Variants in DPP10 observed in about 807,000 individuals in gnomAD.
DPP10 encodes inactive dipeptidyl peptidase 10.
Under a neutral mutation model 120.9 loss-of-function variants are expected in DPP10, and 33 were observed. The ratio of observed to expected loss-of-function variants is 0.27; its 90% CI spans 0.21 to 0.37. The LOEUF is 0.37. Ranked by LOEUF, DPP10 falls within the 10% of genes least tolerant of loss-of-function variation. The pLI is 1.00. For synonymous variants in DPP10, 337 were observed against 326.1 expected (o/e 1.03, Z -0.36); for missense variants, 816 against 942.8 (o/e 0.87, Z 1.76).
chr2:115,166,278 C>CTTTTT (rs2052834511), intron 1 of DPP10, among the ~76,000 whole-genome samples: 1 of 151,582 alleles, frequency 6.6e-6, no homozygotes, highest in East Asian at 1.9e-4. Context: ...ATGAAAAGAG[C>CTTTTT]TTTCATAAAT....
chr2:115,153,610 A>G (rs1455615342), intron 1 of DPP10, among the ~76,000 whole-genome samples: 1 of 152,098 alleles, frequency 6.6e-6, no homozygotes, highest in African/African-American at 2.4e-5. Context: ...CTAACTCTCT[A>G]TCTAGCCTAA....
At chr2:114,776,576 A>G (rs1408828345) in intron 1 of DPP10, among the ~76,000 whole-genome samples, 1 of 152,162 alleles carries the variant, frequency 6.6e-6, no homozygotes, top group Non-Finnish European at 1.5e-5. Context: ...TATAGGCTCA[A>G]AAGAAATATT....
chr2:115,397,611 A>G (rs1354693971), intron 3 of DPP10, among the ~76,000 whole-genome samples: 1 of 152,222 alleles, frequency 6.6e-6, no homozygotes, highest in African/African-American at 2.4e-5. Context: ...GTCTTACTAA[A>G]TACAAGTTGT....
At chr2:114,564,134 T>TAATGATATTCTAATGGTATTCA (rs1269062839) in intron 1 of DPP10, among the ~76,000 whole-genome samples, 5 of 152,180 alleles carry the variant, frequency 3.3e-5, no homozygotes, top group African/African-American at 1.2e-4. Context: ...AGAGGTATTC[T>TAATGATATTCTAATGGTATTCA]AATGATATTC....
chr2:115,805,809 A>T lies in DPP10; in HGVS notation c.1701-8984A>T, dbSNP rs539804309. On this transcript the variant is annotated intron_variant, in intron 19 of 25. Transcript: ENST00000410059. ...TGACTGGTCTCAAACTCCTGACCTC[A>T]GGTGGTCCGCCTGCATTGGCCTCCC... Among the ~76,000 whole-genome samples, 170 of 152,170 alleles carry T rather than the reference A, an allele frequency of 1.1e-3. 1 individual carries two copies. Among genetic ancestry groups the T allele is most frequent in the South Asian group, 2.1e-3 (10 of 4,824 alleles).
At chr2:115,220,949 ATAT>A (rs1455796426) in intron 1 of DPP10, among the ~76,000 whole-genome samples, 16 of 53,794 alleles carry the variant, frequency 3.0e-4, no homozygotes, top group African/African-American at 4.5e-4. Context: ...TGTAACTAAA[ATAT>A]TATATAATCA....
chr2:114,619,650 T>A (rs1205335396), intron 1 of DPP10, among the ~76,000 whole-genome samples: 1 of 152,154 alleles, frequency 6.6e-6, no homozygotes, highest in Admixed American at 6.6e-5. Context: ...TAAGCATTGA[T>A]GGCAGCATAT....
intron 1 of DPP10, among the ~76,000 whole-genome samples, chr2:114,885,783 G>A (rs978214577): frequency 2.0e-5 from 3 of 152,092 alleles, no homozygotes; most frequent in Non-Finnish European, 2.9e-5. Context: ...AGAATATTAC[G>A]ATTTAGCACA....
intron 3 of DPP10, among the ~76,000 whole-genome samples, chr2:115,476,632 CAATT>C (rs965812882): frequency 1.3e-5 from 2 of 152,102 alleles, no homozygotes; most frequent in African/African-American, 4.8e-5. Context: ...TGGCACTAAG[CAATT>C]AATGAGAAAC....
At chr2:114,816,729 G>A (rs1374712320) in intron 1 of DPP10, among the ~76,000 whole-genome samples, 1 of 152,140 alleles carries the variant, frequency 6.6e-6, no homozygotes, top group Non-Finnish European at 1.5e-5. Context: ...CTCAATAAAT[G>A]ATTTGTTTCA....
chr2:115,282,853 C>T (rs1284318368), intron 1 of DPP10, among the ~76,000 whole-genome samples: 2 of 151,988 alleles, frequency 1.3e-5, no homozygotes, highest in Non-Finnish European at 2.9e-5. Flanking sequence ...CCATTTTGTG[C>T]CTTAATTTCC....
rs565147735 is a variant in DPP10 at position 114,952,615 on chromosome 2, T to C, written c.61-356624T>C. ...AAATAGAAAAATCTGGCCCTAAATATAGTCCTAAGGCTACCATATTTTTAG... is the reference window on the plus strand; with the variant it reads ...AAATAGAAAAATCTGGCCCTAAATACAGTCCTAAGGCTACCATATTTTTAG... On this transcript the variant is annotated intron_variant, in intron 1 of 25. Coordinates refer to ENST00000410059, the MANE Select transcript of DPP10 (RefSeq NM_020868.6). Among the ~76,000 whole-genome samples, 11 of 152,366 alleles carry C rather than the reference T, an allele frequency of 7.2e-5. No individual in the cohort carries two copies. The South Asian group carries it at 2.3e-3, about 32-fold the overall frequency.
intron 1 of DPP10, among the ~76,000 whole-genome samples, chr2:115,279,786 C>T (rs1425143731): frequency 6.6e-6 from 1 of 150,632 alleles, no homozygotes; most frequent in East Asian, 2.0e-4. Context: ...CTCAGCCTCC[C>T]AAGTAGCTGG....
chr2:115,102,443 CT>C (rs1271350647), intron 1 of DPP10, among the ~76,000 whole-genome samples: 1 of 152,102 alleles, frequency 6.6e-6, no homozygotes, highest in African/African-American at 2.4e-5. Flanking sequence ...TAGGGTCTCA[CT>C]CTGTCGCCCA....
At chr2:115,092,831 G>A (rs1379326073) in intron 1 of DPP10, among the ~76,000 whole-genome samples, 2 of 152,116 alleles carry the variant, frequency 1.3e-5, no homozygotes, top group African/African-American at 4.8e-5. Context: ...AACTCATAAT[G>A]TGCTATGTTA....
At chr2:115,034,735 C>A (rs1261331100) in intron 1 of DPP10, among the ~76,000 whole-genome samples, 1 of 152,182 alleles carries the variant, frequency 6.6e-6, no homozygotes, top group East Asian at 1.9e-4. Context: ...ACTTCTCACT[C>A]TTCCTCACTT....
intron 9 of DPP10, among the ~76,000 whole-genome samples, chr2:115,742,307 T>C (rs1419934586): frequency 2.6e-5 from 4 of 152,146 alleles, no homozygotes; most frequent in Non-Finnish European, 5.9e-5. Context: ...AACATCTCCT[T>C]GTCAAGTTAA....
chr2:115,121,787 T>G lies in DPP10; in HGVS notation c.61-187452T>G, dbSNP rs2049836684. Among the ~76,000 whole-genome samples, 3 of 152,316 alleles carry G rather than the reference T, an allele frequency of 2.0e-5. No homozygotes were observed. The South Asian group carries it at 6.2e-4, about 32-fold the overall frequency. On this transcript the variant is annotated intron_variant, in intron 1 of 25. Transcript: ENST00000410059. ...TTTCTCCTTCTCCTTAGCCCTGTCC[T>G]CCTTATTCTGCTCTAGGTTTTGAAA... is the stretch of plus-strand genomic sequence containing the variant.
intron 1 of DPP10, among the ~76,000 whole-genome samples, chr2:114,853,526 G>A (rs1012055346): frequency 1.3e-5 from 2 of 151,940 alleles, no homozygotes; most frequent in African/African-American, 4.8e-5. Context: ...TGCTGTGATG[G>A]TTTAAAAGAT....
Sources: allele counts gnomAD v4.1 joint callset (sites outside exome capture counted in the v4.1 genomes callset), GRCh38; gene constraint gnomAD v4.1.1; transcripts MANE v1.5; gene names NCBI Gene and HGNC (gene_info 2026-07-23, HGNC 2026-07-21).